PSMB3: variants seen among roughly 807,000 people sequenced by gnomAD.
PSMB3 encodes the protein proteasome subunit beta type-3.
PSMB3 carries 5 observed loss-of-function variants against 23.3 expected under a neutral mutation model. The observed-to-expected ratio is 0.21, with a 90% CI of 0.11 to 0.45. The LOEUF is 0.45. Ranked by LOEUF, PSMB3 falls within the 20% of genes least tolerant of loss-of-function variation. PSMB3 has a pLI of 0.99. For synonymous variants in PSMB3, 85 were observed against 99.8 expected (o/e 0.85, Z 0.88); for missense variants, 192 against 277.9 (o/e 0.69, Z 2.20).
rs374652637 is a variant in PSMB3 at position 38,753,134 on chromosome 17, G to C, written c.4-16G>C. 1.2e-6 allele frequency: 2 copies of C among 1,604,490 alleles called. No homozygotes were observed. Among genetic ancestry groups the C allele is most frequent in the African/African-American group, 1.3e-5 (1 of 74,784 alleles). ...TTTGACCCCCCGCGCTGACCCCTCC[G>C]CTCTGTCTGTCCTAGTCTATTATGT... is the stretch of plus-strand genomic sequence containing the variant. On this transcript the variant is annotated splice_polypyrimidine_tract_variant and intron_variant, in intron 1 of 5. Coordinates refer to ENST00000619426, the MANE Select transcript of PSMB3 (RefSeq NM_002795.4).
At chr17:38,758,551 A>T (rs1258116417) in intron 3 of PSMB3, among the ~76,000 whole-genome samples, 1 of 152,060 alleles carries the variant, frequency 6.6e-6, no homozygotes, top group Non-Finnish European at 1.5e-5. Flanking sequence ...TTTGTTGCCC[A>T]GGTTGGTCTT....
chr17:38,758,114 T>G (rs1598032360), intron 3 of PSMB3, among the ~76,000 whole-genome samples: 2 of 152,166 alleles, frequency 1.3e-5, no homozygotes, highest in African/African-American at 4.8e-5. Flanking sequence ...CAGAGGTGCG[T>G]AGATGGTATC....
In PSMB3 at chr17:38,753,281, G is replaced by C; in HGVS notation, c.135G>C (p.Met45Ile). The change falls in exon 2 of 6, where the codon ATG becomes ATC. Residue 45 changes from methionine to isoleucine, a missense_variant. By Grantham distance (10) the Met-to-Ile change is conservative. Transcript: ENST00000619426. ...CGGACTTCCAGAAGATCTTTCCCAT[G>C]GGTGACCGGCTGTACATCGGTCTGG... The part of the protein sequence containing the change: ...VTTDFQKIFP[M>I]GDRLYIGLAG... The C allele has an allele frequency of 1.2e-6, 2 of 1,614,166 alleles. No homozygotes were observed. Among genetic ancestry groups the C allele is most frequent in the Non-Finnish European group, 1.7e-6 (2 of 1,180,024 alleles).
chr17:38,755,657 A>ATAT (rs1306664588), intron 2 of PSMB3, among the ~76,000 whole-genome samples: 1 of 74,764 alleles, frequency 1.3e-5, no homozygotes, highest in African/African-American at 5.6e-5. Context: ...AAAAAAAAAA[A>ATAT]AAATATATAT....
intron 4 of PSMB3, among the ~76,000 whole-genome samples, chr17:38,761,071 CG>C (rs1567645803): frequency 1.3e-5 from 2 of 152,030 alleles, no homozygotes; most frequent in South Asian, 4.1e-4. Context: ...CTGAGGAAGC[CG>C]GGCGCGGTGG....
At chr17:38,761,387 T>C (rs1157408665) in intron 4 of PSMB3, among the ~76,000 whole-genome samples, 2 of 142,232 alleles carry the variant, frequency 1.4e-5, no homozygotes, top group Admixed American at 1.4e-4. Flanking sequence ...GGAAAACAAA[T>C]GAGTATATGT....
rs151259265 is a variant in PSMB3, at chr17:38,753,191, G to A, written c.45G>A (p.Lys15=). Residue 15 remains lysine, a synonymous_variant, in exon 2 of 6, where the codon AAG becomes AAA. Coordinates refer to ENST00000619426, the MANE Select transcript of PSMB3 (RefSeq NM_002795.4). ...ACGGAGGGGCCGTCATGGCCATGAA[G>A]GGGAAGAACTGTGTGGCCATCGCTG... is the stretch of plus-strand genomic sequence containing the variant. ...SYNGGAVMAM[K]GKNCVAIAAD... 174 of 1,614,112 alleles carry A rather than the reference G, an allele frequency of 1.1e-4. 1 individual carries two copies. The highest frequency in any genetic ancestry group is 9.9e-4 in the Middle Eastern group (6 of 6,084).
chr17:38,754,625 G>C (rs1197882644), intron 2 of PSMB3, among the ~76,000 whole-genome samples: 1 of 152,198 alleles, frequency 6.6e-6, no homozygotes, highest in Non-Finnish European at 1.5e-5. Context: ...GTTCCTGTCA[G>C]TGAAGTCTCC....
intron 5 of PSMB3, among the ~76,000 whole-genome samples, chr17:38,762,765 C>T (rs1177551132): frequency 4.6e-5 from 7 of 152,258 alleles, no homozygotes; most frequent in South Asian, 2.1e-4. Flanking sequence ...AACAATGTCT[C>T]CGAAGTCTCA....
intron 2 of PSMB3, 52 bp from the exon 3 acceptor site, chr17:38,755,831 C>A: frequency 6.8e-7 from 1 of 1,460,058 alleles, no homozygotes; most frequent in Non-Finnish European, 9.6e-7. Flanking sequence ...ACAGGGTAGA[C>A]ACTCAGGAAT....
chr17:38,763,310 C>T (rs999015854), intron 5 of PSMB3, among the ~76,000 whole-genome samples: 9 of 151,702 alleles, frequency 5.9e-5, no homozygotes, highest in Admixed American at 2.6e-4. Flanking sequence ...GTCAAGATCA[C>T]GCCATTGCAC....
chr17:38,757,191 T>A (rs1320231666), intron 3 of PSMB3, among the ~76,000 whole-genome samples: 8 of 151,772 alleles, frequency 5.3e-5, no homozygotes, highest in Non-Finnish European at 8.8e-5. Flanking sequence ...AAAAGTCTTA[T>A]AAAGTTGTAA....
At chr17:38,761,695 A>G (rs1908449265) in intron 4 of PSMB3, among the ~76,000 whole-genome samples, 1 of 152,160 alleles carries the variant, frequency 6.6e-6, no homozygotes, top group Non-Finnish European at 1.5e-5. Context: ...ATGGGGAGAA[A>G]TGATGCTGGA....
Position 38,762,424 on chromosome 17 carries a change from T to A in PSMB3, c.488T>A (p.Leu163Gln). The A allele has an allele frequency of 6.2e-7, 1 of 1,614,112 alleles. No individual in the cohort carries two copies. ...LWEPNMDPDH[L>Q]FETISQAMLN... Reference sequence around the variant, plus strand: ...CTCTGTTGGCAGGATCCGGATCACCTGTTTGAAACCATCTCCCAAGCCATG... The same window carrying A: ...CTCTGTTGGCAGGATCCGGATCACCAGTTTGAAACCATCTCCCAAGCCATG... Residue 163 changes from leucine (L) to glutamine (Q), a missense_variant, in exon 5 of 6, where the codon CTG (leucine) becomes CAG (glutamine). By Grantham distance (113) the Leu-to-Gln change is moderately radical (BLOSUM62 -2). Coordinates refer to ENST00000619426, the MANE Select transcript of PSMB3 (RefSeq NM_002795.4).
In PSMB3 at chr17:38,760,503, T is replaced by C. The variant is rs775972340; in HGVS notation, c.369T>C (p.Ser123=). Residue 123 remains serine, a synonymous_variant, in exon 4 of 6, where the codon TCT becomes TCC. Coordinates refer to ENST00000619426, the MANE Select transcript of PSMB3 (RefSeq NM_002795.4). ...DPKTFKPFIC[S]LDLIGCPMVT... ...AGACCTTTAAGCCCTTCATTTGCTCTCTAGACCTCATCGGCTGCCCCATGG... is the reference window on the plus strand; with the variant it reads ...AGACCTTTAAGCCCTTCATTTGCTCCCTAGACCTCATCGGCTGCCCCATGG... 2 of 1,614,244 alleles carry C rather than the reference T, an allele frequency of 1.2e-6. No individual in the cohort carries two copies. Among genetic ancestry groups the C allele is most frequent in the East Asian group, 2.2e-5 (1 of 44,892 alleles).
At position 38,752,921 on chromosome 17, in the gene PSMB3, C is replaced by A; in HGVS notation, c.3+92C>A. 6.4e-7 allele frequency: 1 copy of A among 1,550,994 alleles called. No homozygotes were observed. The highest frequency in any genetic ancestry group is 8.8e-7 in the Non-Finnish European group (1 of 1,135,442). On this transcript the variant is annotated intron_variant, in intron 1 of 5. Transcript: ENST00000619426. The surrounding 1 kb of genome is among the most constrained non-coding windows in gnomAD (Gnocchi z 5.5). ...CTTGGGGACGAAAAGGGCCTAGGGT[C>A]GATGGAAGGAAGCGGTTTCAGTTCG...
chr17:38,755,002 C>CTTTTTT (rs144817163), intron 2 of PSMB3, among the ~76,000 whole-genome samples: 1 of 147,754 alleles, frequency 6.8e-6, no homozygotes, highest in Admixed American at 6.7e-5. Context: ...GGTGCTGCCC[C>CTTTTTT]CTTTTTTTTT....
At chr17:38,755,156 G>GT (rs1341458495) in intron 2 of PSMB3, 1 of 152,038 alleles carries the variant, frequency 6.6e-6, no homozygotes, top group Admixed American at 6.6e-5. Flanking sequence ...TGTAGTTATT[G>GT]TAAGAGGCAA....
intron 2 of PSMB3, among the ~76,000 whole-genome samples, chr17:38,753,742 G>A (rs543465351): frequency 1.3e-5 from 2 of 152,290 alleles, no homozygotes; most frequent in South Asian, 4.1e-4. Flanking sequence ...GCCTCCCAAA[G>A]TGCTGGGATT....
Sources: allele counts gnomAD v4.1 joint callset (sites outside exome capture counted in the v4.1 genomes callset), GRCh38; gene constraint gnomAD v4.1.1; non-coding constraint Gnocchi (gnomAD v3.1); transcripts MANE v1.5; gene names NCBI Gene and HGNC (gene_info 2026-07-23, HGNC 2026-07-21).